Variants in OSBPL3 observed in about 807,000 individuals in gnomAD.
OSBPL3 encodes the protein oxysterol-binding protein-related protein 3.
OSBPL3 carries 65 observed loss-of-function variants against 120.1 expected under a neutral mutation model. The observed-to-expected ratio is 0.54, with a 90% CI of 0.44 to 0.67. OSBPL3 has a LOEUF of 0.67. Ranked by LOEUF, OSBPL3 falls within the 30% of genes least tolerant of loss-of-function variation. OSBPL3 has a pLI of 0.00. For missense variants in OSBPL3, 1,004 were observed against 1,082.1 expected (o/e 0.93, Z 1.01); for synonymous variants, 416 against 402.6 (o/e 1.03, Z -0.40).
At chr7:24,856,019 G>A (rs1324554976) in intron 10 of OSBPL3, among the ~76,000 whole-genome samples, 1 of 152,172 alleles carries the variant, frequency 6.6e-6, no homozygotes, top group Non-Finnish European at 1.5e-5. Flanking sequence ...CTGGGACTTA[G>A]AAAGTCCTTC....
rs1281295495 is a variant in OSBPL3 at position 24,817,659 on chromosome 7, C to A, written c.1949-971G>T. Among the ~76,000 whole-genome samples the A allele has an allele frequency of 6.6e-6, 1 of 152,092 alleles. No individual in the cohort carries two copies. The highest frequency in any genetic ancestry group is 2.4e-5 in the African/African-American group (1 of 41,412). Reference sequence around the variant, plus strand: ...ATTGGAAGCCATATGGAGAATGGAACAGGAGTAGGAGAGAGGAGAAGCAAG... The same window carrying A: ...ATTGGAAGCCATATGGAGAATGGAAAAGGAGTAGGAGAGAGGAGAAGCAAG... On this transcript the variant is annotated intron_variant, in intron 17 of 22. Transcript: ENST00000313367. The surrounding 1 kb of genome is among the most constrained non-coding windows in gnomAD (Gnocchi z 4.0).
Position 24,871,981 on chromosome 7 carries a change from C to G in OSBPL3, c.185G>C (p.Arg62Thr). The G allele has an allele frequency of 6.2e-7, 1 of 1,613,700 alleles. No individual in the cohort carries two copies. The highest frequency in any genetic ancestry group is 8.5e-7 in the Non-Finnish European group (1 of 1,179,802). Reference protein sequence around the residue: ...PVQKGFLLKKRKWPLKGWHKR... With the variant: ...PVQKGFLLKKTKWPLKGWHKR... ...ATGCCAGCCTTTTAAGGGCCACTTC[C>G]TCTTTTTCAGCAAAAATCCTTTCTG... The change falls in exon 3 of 23, where the codon AGG becomes ACG. Residue 62 changes from arginine to threonine, a missense_variant. Coordinates refer to ENST00000313367, the MANE Select transcript of OSBPL3 (RefSeq NM_015550.4). The surrounding 1 kb of genome is among the most constrained non-coding windows in gnomAD (Gnocchi z 4.8).
Position 24,852,709 on chromosome 7 carries a change from CT to C in OSBPL3, c.1028-76del. On this transcript the variant is annotated intron_variant, in intron 10 of 22. Coordinates refer to ENST00000313367, the MANE Select transcript of OSBPL3 (RefSeq NM_015550.4). The surrounding 1 kb of genome is among the most constrained non-coding windows in gnomAD (Gnocchi z 4.1). ...ACAAAATACAGAAAAAAACATATCT[CT>C]TATAAAAGAAACAAGCAAAGTAACA... The C allele has an allele frequency of 1.0e-6, 1 of 988,964 alleles. No individual in the cohort carries two copies. Among genetic ancestry groups the C allele is most frequent in the Non-Finnish European group, 1.4e-6 (1 of 703,132 alleles). 61.3% of individuals were successfully genotyped at this position (988,964 alleles called of 1,614,324 possible).
chr7:24,977,044 A>G (rs1456819412), intron 1 of OSBPL3, among the ~76,000 whole-genome samples: 1 of 152,006 alleles, frequency 6.6e-6, no homozygotes, highest in African/African-American at 2.4e-5. Context: ...GAGCTTTTGG[A>G]ATTAGTAGCA....
At chr7:24,837,026 G>A (rs1797086710) in intron 14 of OSBPL3, among the ~76,000 whole-genome samples, 1 of 151,966 alleles carries the variant, frequency 6.6e-6, no homozygotes, top group Admixed American at 6.6e-5. Context: ...GTAGAGATGA[G>A]ATTTTACTAT....
At chr7:24,836,286 G>T (rs910714692) in intron 14 of OSBPL3, among the ~76,000 whole-genome samples, 2 of 152,152 alleles carry the variant, frequency 1.3e-5, no homozygotes, top group Non-Finnish European at 2.9e-5. Context: ...CTTCAGGCTT[G>T]TCATTTTCAT....
rs1794506600 is a variant in OSBPL3 at position 24,816,621 on chromosome 7, C to G, written c.2016G>C (p.Val672=). 2.5e-6 allele frequency: 4 copies of G among 1,611,268 alleles called. No homozygotes were observed. The East Asian group carries it at 8.9e-5, about 36-fold the overall frequency. The change falls in exon 18 of 23, where the codon GTG becomes GTC. Residue 672 remains valine (V), a synonymous_variant. Transcript: ENST00000313367. ...MEIVPIGTTH[V]TLPVFGDHFE... ...GAAGAAGAACTTACACTGGCAGAGT[C>G]ACATGGGTTGTGCCAATTGGAACAA...
At position 24,932,305 on chromosome 7, in the gene OSBPL3, C is replaced by G. The variant is rs1434044387; in HGVS notation, c.-149-39684G>C. Among the ~76,000 whole-genome samples, 1 of 152,078 alleles carries G rather than the reference C, an allele frequency of 6.6e-6. No individual in the cohort carries two copies. The highest frequency in any genetic ancestry group is 2.4e-5 in the African/African-American group (1 of 41,388). ...TTATCCAGTGTACTTGCAGCATTCCCCGGTCAAGTTTCAAGCTGTGCGCCC... is the reference window on the plus strand; with the variant it reads ...TTATCCAGTGTACTTGCAGCATTCCGCGGTCAAGTTTCAAGCTGTGCGCCC... On this transcript the variant is annotated intron_variant, in intron 1 of 22. Coordinates refer to ENST00000313367, the MANE Select transcript of OSBPL3 (RefSeq NM_015550.4). This position sits in a 1 kb window ranked among gnomAD's most constrained non-coding sequence, Gnocchi z 5.6.
At chr7:24,884,333 A>G (rs1379755946) in intron 2 of OSBPL3, among the ~76,000 whole-genome samples, 1 of 152,218 alleles carries the variant, frequency 6.6e-6, no homozygotes, top group Non-Finnish European at 1.5e-5. Flanking sequence ...TGGGACTCCA[A>G]ACAAATCAGT....
At chr7:24,844,701 T>A (rs547933783) in intron 12 of OSBPL3, among the ~76,000 whole-genome samples, 47 of 152,268 alleles carry the variant, frequency 3.1e-4, no homozygotes, top group African/African-American at 1.1e-3. Context: ...AAAATAAAAA[T>A]AGGTATTCAA....
chr7:24,930,138 G>A lies in OSBPL3; in HGVS notation c.-149-37517C>T, dbSNP rs888342258. Among the ~76,000 whole-genome samples, 5 of 152,156 alleles carry A rather than the reference G, an allele frequency of 3.3e-5. No homozygotes were observed. The highest frequency in any genetic ancestry group is 1.2e-4 in the African/African-American group (5 of 41,434). ...AATGATTTTTTAAGAGGTTAACCTG[G>A]AAAGGTTAATGACCAACTGAATTGA... On this transcript the variant is annotated intron_variant, in intron 1 of 22. Transcript: ENST00000313367. The surrounding 1 kb of genome is among the most constrained non-coding windows in gnomAD (Gnocchi z 4.4).
intron 5 of OSBPL3, among the ~76,000 whole-genome samples, chr7:24,866,533 C>T (rs553627435): frequency 1.3e-3 from 202 of 152,120 alleles, no homozygotes; most frequent in African/African-American, 4.5e-3. Context: ...CTGAGCTACT[C>T]GGGAGGCTGA....
intron 10 of OSBPL3, among the ~76,000 whole-genome samples, chr7:24,858,055 C>CA (rs1800047803): frequency 6.6e-6 from 1 of 152,144 alleles, no homozygotes; most frequent in Admixed American, 6.5e-5. Context: ...TGTGTGTGAA[C>CA]ATCCACACAA....
Position 24,913,423 on chromosome 7 carries a change from T to TCC in OSBPL3, c.-149-20804_-149-20803dup, listed in dbSNP as rs1327153303. On this transcript the variant is annotated intron_variant, in intron 1 of 22. Coordinates refer to ENST00000313367, the MANE Select transcript of OSBPL3 (RefSeq NM_015550.4). This position sits in a 1 kb window ranked among gnomAD's most constrained non-coding sequence, Gnocchi z 5.3. Reference sequence around the variant, plus strand: ...CTAGCAGGCTCCTGCTACCAGAGCATCCCACTCCTGCTGGGTAGGTCAGAC... The same window carrying TCC: ...CTAGCAGGCTCCTGCTACCAGAGCATCCCCCACTCCTGCTGGGTAGGTCAGAC... Among the ~76,000 whole-genome samples, 4 of 152,218 alleles carry TCC rather than the reference T, an allele frequency of 2.6e-5. No homozygotes were observed. The East Asian group carries it at 7.7e-4, about 29-fold the overall frequency.
intron 1 of OSBPL3, among the ~76,000 whole-genome samples, chr7:24,934,209 T>C (rs1296335935): frequency 6.6e-6 from 1 of 152,240 alleles, no homozygotes; most frequent in African/African-American, 2.4e-5. Context: ...AGATATGGCA[T>C]GTTCAACACT....
rs530629193 is a variant in OSBPL3 at position 24,860,629 on chromosome 7, C to T, written c.1027+984G>A. The stretch of plus-strand genomic sequence containing the variant: ...TTTTTCTTTATAAATTACCCAGTTT[C>T]GGGTATGTCTTTATCAGCAGCATGA... On this transcript the variant is annotated intron_variant, in intron 10 of 22. Coordinates refer to ENST00000313367, the MANE Select transcript of OSBPL3 (RefSeq NM_015550.4). Among the ~76,000 whole-genome samples the T allele has an allele frequency of 5.3e-5, 8 of 152,214 alleles. No individual in the cohort carries two copies. The East Asian group carries it at 9.6e-4, about 18-fold the overall frequency.
chr7:24,945,416 T>C (rs773771352), intron 1 of OSBPL3, among the ~76,000 whole-genome samples: 20 of 152,352 alleles, frequency 1.3e-4, no homozygotes, highest in Middle Eastern at 6.8e-3. Context: ...ATTCTAGGAA[T>C]TGGAGATATA....
intron 12 of OSBPL3, among the ~76,000 whole-genome samples, chr7:24,848,824 TA>T (rs1053848367): frequency 1.0e-4 from 15 of 147,796 alleles, no homozygotes; most frequent in East Asian, 7.9e-4. Context: ...AACAGAAATA[TA>T]AAAAAAAAAG....
intron 1 of OSBPL3, among the ~76,000 whole-genome samples, chr7:24,943,703 T>TA (rs993796247): frequency 1.3e-5 from 2 of 152,230 alleles, no homozygotes; most frequent in African/African-American, 4.8e-5. Context: ...TGGAATTTAC[T>TA]AAAATGGAAA....
Sources: allele counts gnomAD v4.1 joint callset (sites outside exome capture counted in the v4.1 genomes callset), GRCh38; gene constraint gnomAD v4.1.1; non-coding constraint Gnocchi (gnomAD v3.1); transcripts MANE v1.5; gene names NCBI Gene and HGNC (gene_info 2026-07-23, HGNC 2026-07-21).